NEGR1: variants seen among roughly 807,000 people sequenced by gnomAD.
NEGR1 encodes neuronal growth regulator 1.
NEGR1 carries 10 observed loss-of-function variants against 40.9 expected under a neutral mutation model. The observed-to-expected ratio is 0.24, with a 90% CI of 0.15 to 0.42. NEGR1 has a LOEUF of 0.42. Among genes scored for constraint, NEGR1 ranks in the 10% least tolerant of loss-of-function variants. NEGR1 has a pLI of 1.00. For missense variants in NEGR1, 352 were observed against 438.9 expected (o/e 0.80, Z 1.77); for synonymous variants, 185 against 166.8 (o/e 1.11, Z -0.84).
intron 2 of NEGR1, among the ~76,000 whole-genome samples, chr1:71,867,305 T>A (rs1017489027): frequency 3.3e-5 from 5 of 151,608 alleles, no homozygotes; most frequent in Non-Finnish European, 7.4e-5. Context: ...ACCCAGGAGG[T>A]GGAGGTTGCA....
chr1:71,919,668 C>G (rs1645682696), intron 2 of NEGR1, among the ~76,000 whole-genome samples: 1 of 152,102 alleles, frequency 6.6e-6, no homozygotes. Context: ...GCCAATGTAA[C>G]AGCTATTGTT....
intron 3 of NEGR1, among the ~76,000 whole-genome samples, chr1:71,764,932 G>A (rs188311862): frequency 2.0e-5 from 3 of 152,114 alleles, no homozygotes; most frequent in East Asian, 1.9e-4. Flanking sequence ...TGTGATGTGC[G>A]ATGAAAAGTG....
intron 6 of NEGR1, among the ~76,000 whole-genome samples, chr1:71,421,206 T>G (rs1646391515): frequency 6.6e-6 from 1 of 152,086 alleles, no homozygotes; most frequent in Non-Finnish European, 1.5e-5. Flanking sequence ...AAGAAGAACT[T>G]GGCCTAGAAT....
rs929642737 is a variant in NEGR1 at position 71,788,596 on chromosome 1, G to A, written c.410-12299C>T. Among the ~76,000 whole-genome samples the A allele has an allele frequency of 1.2e-4, 18 of 151,918 alleles. No individual in the cohort carries two copies. The East Asian group carries it at 3.1e-3, about 26-fold the overall frequency. The stretch of plus-strand genomic sequence containing the variant: ...TCAGATATTCTTAATTCTCTTTAAC[G>A]CCTTGATTTCCAGCAAGAGGATTAA... On this transcript the variant is annotated intron_variant, in intron 2 of 6. Coordinates refer to ENST00000357731, the MANE Select transcript of NEGR1 (RefSeq NM_173808.3).
At chr1:72,249,215 A>G (rs1418153411) in intron 1 of NEGR1, among the ~76,000 whole-genome samples, 8 of 152,226 alleles carry the variant, frequency 5.3e-5, no homozygotes, top group Admixed American at 5.2e-4. Context: ...GAAGGTATCA[A>G]TTATGAATGA....
At chr1:71,491,111 A>G (rs977900599) in intron 6 of NEGR1, among the ~76,000 whole-genome samples, 2 of 152,148 alleles carry the variant, frequency 1.3e-5, no homozygotes, top group South Asian at 2.1e-4. Context: ...ACAGATCAAA[A>G]ATATTTAAAA....
chr1:71,994,994 A>AG (rs1288617569), intron 1 of NEGR1, among the ~76,000 whole-genome samples: 22 of 91,316 alleles, frequency 2.4e-4, no homozygotes, highest in African/African-American at 7.0e-4. Context: ...CCAAATTTAC[A>AG]GGAAAAAAAA....
chr1:72,279,888 A>C (rs1656184556), intron 1 of NEGR1, among the ~76,000 whole-genome samples: 1 of 152,236 alleles, frequency 6.6e-6, no homozygotes, highest in Non-Finnish European at 1.5e-5. Context: ...CAGACAATGT[A>C]AGAAGTTCAA....
At chr1:71,974,820 T>C (rs1646287757) in intron 1 of NEGR1, among the ~76,000 whole-genome samples, 1 of 152,196 alleles carries the variant, frequency 6.6e-6, no homozygotes, top group African/African-American at 2.4e-5. Context: ...AAAAGATGTA[T>C]ACCTTAATCA....
rs1416526198 is a variant in NEGR1 at position 71,898,964 on chromosome 1, CATATATATATATATAGCATATAT to C, written c.409+36092_409+36114del. Among the ~76,000 whole-genome samples the C allele has an allele frequency of 1.0e-3, 99 of 95,936 alleles. 3 individuals carry two copies. Among genetic ancestry groups the C allele is most frequent in the African/African-American group, 4.4e-3 (84 of 19,296 alleles). 62.9% of individuals were successfully genotyped at this position (95,936 alleles called of 152,430 possible). A position where few individuals can be genotyped will look rare whatever the true frequency, so the allele number is the denominator to read the frequency against. On this transcript the variant is annotated intron_variant, in intron 2 of 6. Transcript: ENST00000357731. ...ATATATTGCAAATATATATATATAG[CATATATATATATATAGCATATAT>C]ATATATATATATATATATATATATA...
At chr1:71,522,808 G>A (rs1205436939) in intron 6 of NEGR1, among the ~76,000 whole-genome samples, 2 of 149,786 alleles carry the variant, frequency 1.3e-5, no homozygotes, top group African/African-American at 2.5e-5. Flanking sequence ...AGACTCACAC[G>A]CTCCTATGTG....
chr1:72,212,773 G>T (rs1007776388), intron 1 of NEGR1, among the ~76,000 whole-genome samples: 8 of 151,828 alleles, frequency 5.3e-5, no homozygotes, highest in Non-Finnish European at 1.0e-4. Flanking sequence ...AACAGAACTT[G>T]CCATGAGCTA....
At chr1:72,151,715 T>A (rs1039238535) in intron 1 of NEGR1, among the ~76,000 whole-genome samples, 1 of 151,662 alleles carries the variant, frequency 6.6e-6, no homozygotes, top group Non-Finnish European at 1.5e-5. Flanking sequence ...TAAAAATACT[T>A]CTATGATCTA....
intron 5 of NEGR1, among the ~76,000 whole-genome samples, chr1:71,600,518 C>T (rs1044530278): frequency 1.3e-5 from 2 of 152,128 alleles, no homozygotes; most frequent in African/African-American, 4.8e-5. Context: ...TAGTGGAAGG[C>T]TGCCAGCCAA....
At chr1:71,911,069 G>T (rs910248780) in intron 2 of NEGR1, among the ~76,000 whole-genome samples, 2 of 152,114 alleles carry the variant, frequency 1.3e-5, no homozygotes, top group Non-Finnish European at 2.9e-5. Flanking sequence ...AACCACCCTA[G>T]TGAGAGAAAT....
At chr1:71,906,722 T>G (rs1661287012) in intron 2 of NEGR1, among the ~76,000 whole-genome samples, 1 of 152,176 alleles carries the variant, frequency 6.6e-6, no homozygotes, top group African/African-American at 2.4e-5. Context: ...ATTAACTCAT[T>G]CACTTCATCA....
At chr1:71,918,311 A>G (rs568951030) in intron 2 of NEGR1, among the ~76,000 whole-genome samples, 171 of 149,614 alleles carry the variant, frequency 1.1e-3, no homozygotes, top group Non-Finnish European at 2.1e-3. Context: ...TGTGAGCTCA[A>G]AAGCCCAAAA....
chr1:72,012,792 A>AAT (rs1646668857), intron 1 of NEGR1, among the ~76,000 whole-genome samples: 1 of 147,382 alleles, frequency 6.8e-6, no homozygotes, highest in African/African-American at 2.5e-5. Context: ...TAACATTAGT[A>AAT]ATGTGTGTGT....
At chr1:71,435,784 T>C (rs1461889456) in intron 6 of NEGR1, among the ~76,000 whole-genome samples, 1 of 152,186 alleles carries the variant, frequency 6.6e-6, no homozygotes, top group Non-Finnish European at 1.5e-5. Flanking sequence ...AAGAGGTGCA[T>C]CAATGCTTTG....
Sources: gnomAD v4.1 joint callset for allele counts (sites outside exome capture counted in the v4.1 genomes callset) on GRCh38, gnomAD v4.1.1 for gene constraint, MANE v1.5 for transcripts, NCBI Gene and HGNC (gene_info 2026-07-23, HGNC 2026-07-21) for gene names.